The following NOC2L variants were observed in gnomAD, a reference collection of about 807,000 sequenced individuals.
The protein encoded by NOC2L is nucleolar complex protein 2 homolog.
NOC2L carries 101 observed loss-of-function variants against 94.2 expected under a neutral mutation model. The ratio of observed to expected loss-of-function variants is 1.07; its 90% CI spans 0.91 to 1.26. NOC2L has a LOEUF of 1.26. NOC2L is among the 50% of genes most tolerant of loss of function. The pLI, the probability that NOC2L is intolerant of heterozygous loss-of-function variation, is 0.00. For missense variants in NOC2L, 1,076 were observed against 980.1 expected, an observed-to-expected ratio of 1.10 and a Z score of -1.31; for synonymous variants, 531 against 413.4, an observed-to-expected ratio of 1.28 and a Z score of -3.45.
chr1:944,293 A>G lies in NOC2L; in HGVS notation c.*401T>C, dbSNP rs564003453. 7.3e-4 allele frequency: 1,033 copies of G among 1,417,004 alleles called. 12 individuals are homozygous for G. The African/African-American group carries it at 0.014, about 19-fold the overall frequency. The allele number at this position is 1,417,004 out of a possible 1,614,324, so 87.8% of individuals were successfully genotyped here. A position where few individuals can be genotyped will look rare whatever the true frequency, so the allele number is the denominator to read the frequency against. Reference sequence around the variant, plus strand: ...TTAAAAGAAAATGTGACTTCAAAGGAAAGGAACAAATTTTCAAAGACTTGG... The same window carrying G: ...TTAAAAGAAAATGTGACTTCAAAGGGAAGGAACAAATTTTCAAAGACTTGG... On this transcript the variant is annotated 3_prime_UTR_variant, in exon 19 of 19. Transcript: ENST00000327044.
rs750426615 is a variant in NOC2L, at chr1:953,171, C to G, written c.1002+4G>C. ...AGGGACACAGACGCAGGGCCCACCA[C>G]TACCTTGAGGACGGGGCCAAGGAAA... On this transcript the variant is annotated splice_donor_region_variant and intron_variant, in intron 9 of 18. Transcript: ENST00000327044. 6.2e-7 allele frequency: 1 copy of G among 1,605,162 alleles called. No homozygotes were observed. Among genetic ancestry groups the G allele is most frequent in the African/African-American group, 1.3e-5 (1 of 74,896 alleles).
chr1:953,099 A>T (rs1642301667), intron 9 of NOC2L, 76 bp downstream of exon 9: 1 of 1,056,358 alleles, frequency 9.5e-7, no homozygotes, highest in Admixed American at 1.9e-5. Context: ...CCAACCACAA[A>T]GGCAGCCCGC....
intron 18 of NOC2L, 68 bp downstream of exon 18, chr1:944,989 C>T (rs1398324525): frequency 6.2e-7 from 1 of 1,607,362 alleles, no homozygotes; most frequent in Non-Finnish European, 8.5e-7. Flanking sequence ...CGCCCCCCGC[C>T]CACGTGGCTC....
At position 959,116 on chromosome 1, in the gene NOC2L, G is replaced by A. The variant is rs1421289186; in HGVS notation, c.27-35C>T. On this transcript the variant is annotated intron_variant, in intron 1 of 18. Transcript: ENST00000327044. ...ACGCAGGAGTCACAGCTGCCCGCAC[G>A]CCCAGCTCGCCCCAGCCCCGCTGAG... The A allele has an allele frequency of 3.1e-6, 5 of 1,609,938 alleles. No homozygotes were observed. The African/African-American group carries it at 4.0e-5, about 13-fold the overall frequency.
rs771679836 is a variant in NOC2L, at chr1:946,294, G to A, written c.1804-8C>T. The A allele has an allele frequency of 1.9e-6, 3 of 1,612,022 alleles. No homozygotes were observed. The highest frequency in any genetic ancestry group is 1.1e-5 in the South Asian group (1 of 91,034). On this transcript the variant is annotated splice_region_variant and splice_polypyrimidine_tract_variant and intron_variant, in intron 15 of 18. Coordinates refer to ENST00000327044, the MANE Select transcript of NOC2L (RefSeq NM_015658.4). ...CAGCTTCTCCCAGGCTTCCTGGGGG[G>A]TTGGGGGAGTTCAGGGTCATGCCTC...
rs773652347 is a variant in NOC2L, at chr1:956,078, G to C, written c.607+17C>G. 1 of 1,614,066 alleles carries C rather than the reference G, an allele frequency of 6.2e-7. No homozygotes were observed. The highest frequency in any genetic ancestry group is 2.2e-5 in the East Asian group (1 of 44,880). On this transcript the variant is annotated intron_variant, in intron 5 of 18. Coordinates refer to ENST00000327044, the MANE Select transcript of NOC2L (RefSeq NM_015658.4). ...ACGCAACAGACAGCCTGGATGCCAG[G>C]CTCCCCCCAAGCTCACCAGCACTGT...
intron 4 of NOC2L, 138 bp from the exon 5 acceptor site, chr1:956,353 C>A: frequency 1.1e-6 from 1 of 918,416 alleles, no homozygotes. Flanking sequence ...CACAGAGCCC[C>A]ATACTGATAA....
At chr1:953,738 C>A (rs185114937) in intron 8 of NOC2L, 44 bp downstream of exon 8, 5 of 1,449,184 alleles carry the variant, frequency 3.5e-6, no homozygotes, top group Non-Finnish European at 4.8e-6. Flanking sequence ...CCGTGTGGCC[C>A]CCCGACCCCA....
chr1:952,663 C>T, intron 9 of NOC2L, 63 bp from the exon 10 acceptor site: 1 of 1,534,830 alleles, frequency 6.5e-7, no homozygotes, highest in Non-Finnish European at 9.0e-7. Context: ...CCGCCCACTC[C>T]AGGGCCCCTG....
chr1:952,921 C>A (rs1479535002), intron 9 of NOC2L, among the ~76,000 whole-genome samples: 1 of 152,204 alleles, frequency 6.6e-6, no homozygotes, highest in Non-Finnish European at 1.5e-5. Context: ...CCTCCTCCAG[C>A]CAGAGAGGCC....
intron 11 of NOC2L, 54 bp from the exon 12 acceptor site, chr1:951,292 C>T: frequency 7.5e-7 from 1 of 1,338,132 alleles, no homozygotes; most frequent in Non-Finnish European, 1.0e-6. Context: ...AGCCCCTGCC[C>T]CTCCCCCTGC....
rs2272756 is a variant in NOC2L, at chr1:946,653, G to C, written c.1660-108C>G. The C allele has an allele frequency of 3.0e-6, 4 of 1,353,118 alleles. No individual in the cohort carries two copies. In the African/African-American group the frequency reaches 5.8e-5, roughly 20 times the overall value. The allele number at this position is 1,353,118 out of a possible 1,614,324, so 83.8% of individuals were successfully genotyped here. A position where few individuals can be genotyped will look rare whatever the true frequency, so the allele number is the denominator to read the frequency against. On this transcript the variant is annotated intron_variant, in intron 14 of 18. Coordinates refer to ENST00000327044, the MANE Select transcript of NOC2L (RefSeq NM_015658.4). ...TGGTGGCCACGGGGATACCCCAGGA[G>C]GGGACATGGATCCCATCTCAGGGCT...
At chr1:944,917 C>G (rs1569930230) in intron 18 of NOC2L, 117 bp from the exon 19 acceptor site, 1 of 1,429,162 alleles carries the variant, frequency 7.0e-7, no homozygotes, top group Non-Finnish European at 9.6e-7. Flanking sequence ...TTGCTGGCTG[C>G]CAGAGAACAG....
At chr1:951,614 C>T (rs1393219248) in intron 11 of NOC2L, among the ~76,000 whole-genome samples, 6 of 152,234 alleles carry the variant, frequency 3.9e-5, no homozygotes, top group Admixed American at 6.5e-5. Context: ...TTTCCTGCTG[C>T]AGCCCCTACC....
chr1:957,566 T>TG (rs1022199117), intron 2 of NOC2L: 3 of 387,114 alleles, frequency 7.7e-6, no homozygotes, highest in Non-Finnish European at 1.4e-5. Flanking sequence ...GCCTGTGCCC[T>TG]GCGCTACTTT....
intron 17 of NOC2L, 165 bp downstream of exon 17, chr1:945,345 CAAGGAGGG>C: frequency 1.0e-6 from 1 of 990,244 alleles, no homozygotes; most frequent in Non-Finnish European, 1.5e-6. Context: ...GCCTTCACTT[CAAGGAGGG>C]AAGGCGCTGG....
intron 10 of NOC2L, 23 bp from the exon 11 acceptor site, chr1:952,162 G>C (rs1642277430): frequency 2.5e-6 from 4 of 1,612,966 alleles, no homozygotes; most frequent in Non-Finnish European, 3.4e-6. Context: ...AACCACGTCA[G>C]CTACTGGCCA....
At chr1:954,430 G>A (rs1217415365) in intron 6 of NOC2L, 5 of 256,702 alleles carry the variant, frequency 1.9e-5, no homozygotes, top group East Asian at 7.7e-5. Flanking sequence ...GAGACCACAC[G>A]AGGTCCCTAA....
At chr1:952,338 C>A (rs1034000045) in intron 10 of NOC2L, 74 bp downstream of exon 10, 94 of 1,558,026 alleles carry the variant, frequency 6.0e-5, no homozygotes, top group Non-Finnish European at 8.1e-5. Flanking sequence ...AGGCCCCAGG[C>A]CCTGCCTTGG....
Sources: allele counts gnomAD v4.1 joint callset (sites outside exome capture counted in the v4.1 genomes callset), GRCh38; gene constraint gnomAD v4.1.1; transcripts MANE v1.5; gene names NCBI Gene and HGNC (gene_info 2026-07-23, HGNC 2026-07-21).